MIR2052HG: variants seen among roughly 807,000 people sequenced by gnomAD.
MIR2052HG encodes MIR2052 host gene.
intron 2 of MIR2052HG, among the ~76,000 whole-genome samples, chr8:74,635,179 A>C (rs1339809338): frequency 6.6e-6 from 1 of 152,142 alleles, no homozygotes; most frequent in Non-Finnish European, 1.5e-5. Context: ...GAATTATGAA[A>C]TATTTATGGG....
chr8:74,600,965 T>G (rs1392491977), intron 1 of MIR2052HG, among the ~76,000 whole-genome samples: 1 of 152,214 alleles, frequency 6.6e-6, no homozygotes, highest in Non-Finnish European at 1.5e-5. Context: ...CCTGTGTTCT[T>G]TCCACAATAT....
chr8:74,731,988 G>C (rs1302324833), intron 4 of MIR2052HG, among the ~76,000 whole-genome samples: 2 of 152,122 alleles, frequency 1.3e-5, no homozygotes, highest in African/African-American at 4.8e-5. Flanking sequence ...GTTCATTTTA[G>C]CTGGCAATAA....
chr8:74,620,266 C>A (rs1467733913), intron 2 of MIR2052HG, among the ~76,000 whole-genome samples: 4 of 152,232 alleles, frequency 2.6e-5, no homozygotes, highest in Non-Finnish European at 5.9e-5. Context: ...GTGTCTGTGG[C>A]TTTTCCAGGT....
In MIR2052HG at chr8:74,703,664, T is replaced by C. The variant is rs73687251; in HGVS notation, n.353T>C. ...AATTAGGAGGAATGTTCTGGAGTGA[T>C]TTATCTTTTTCATCAGGGGTGAGTA... On this transcript the variant is annotated non_coding_transcript_exon_variant, in exon 4 of 7. Coordinates refer to ENST00000523442, the Ensembl canonical transcript of MIR2052HG. 4,385 of 452,360 alleles carry C rather than the reference T, an allele frequency of 9.7e-3. 166 individuals carry two copies. The highest frequency in any genetic ancestry group is 0.08 in the African/African-American group (3,998 of 49,814). The allele number at this position is 452,360 out of a possible 1,614,324, so 28.0% of individuals were successfully genotyped here.
intron 2 of MIR2052HG, among the ~76,000 whole-genome samples, chr8:74,665,727 C>T (rs779428841): frequency 7.2e-5 from 11 of 152,082 alleles, no homozygotes; most frequent in South Asian, 6.2e-4. Flanking sequence ...ACAGCTGATA[C>T]GGTTTGGCTG....
intron 2 of MIR2052HG, among the ~76,000 whole-genome samples, chr8:74,636,685 C>G (rs1281187867): frequency 6.6e-6 from 1 of 151,912 alleles, no homozygotes; most frequent in African/African-American, 2.4e-5. Context: ...TATCGTATAC[C>G]CTGAGATAAA....
In MIR2052HG at chr8:74,646,932, AAAT is replaced by A. The variant is rs1319629573; in HGVS notation, n.216+33995_216+33997del. 2.6e-5 allele frequency among the ~76,000 whole-genome samples: 4 copies of A among 151,958 alleles called. No homozygotes were observed. The East Asian group carries it at 7.7e-4, about 29-fold the overall frequency. ...AACAGAGTGAAACCCTGTCTCAAATAAATAAATAAATAAATAAATATTATCAAT... is the reference window on the plus strand; with the variant it reads ...AACAGAGTGAAACCCTGTCTCAAATAAAATAAATAAATAAATATTATCAAT... On this transcript the variant is annotated intron_variant and non_coding_transcript_variant, in intron 2 of 6. Coordinates refer to ENST00000523442, the Ensembl canonical transcript of MIR2052HG.
At chr8:74,713,788 C>CA (rs964842478) in intron 4 of MIR2052HG, among the ~76,000 whole-genome samples, 1 of 151,692 alleles carries the variant, frequency 6.6e-6, no homozygotes, top group African/African-American at 2.4e-5. Flanking sequence ...TACTCATTAA[C>CA]AAAAAAACAA....
In MIR2052HG at chr8:74,733,429, G is replaced by A. The variant is rs190771832; in HGVS notation, n.372-19012G>A. ...CATAAATTCATCATTTTTTATGGCTGCATAGTATTCCATGGTGTATATGTG... is the reference window on the plus strand; with the variant it reads ...CATAAATTCATCATTTTTTATGGCTACATAGTATTCCATGGTGTATATGTG... On this transcript the variant is annotated intron_variant and non_coding_transcript_variant, in intron 4 of 6. Coordinates refer to ENST00000523442, the Ensembl canonical transcript of MIR2052HG. Among the ~76,000 whole-genome samples, 598 of 152,052 alleles carry A rather than the reference G, an allele frequency of 3.9e-3. 3 individuals carry two copies. The highest frequency in any genetic ancestry group is 0.015 in the South Asian group (70 of 4,810).
At chr8:74,742,955 A>G (rs1443327786) in intron 4 of MIR2052HG, among the ~76,000 whole-genome samples, 1 of 152,000 alleles carries the variant, frequency 6.6e-6, no homozygotes, top group African/African-American at 2.4e-5. Flanking sequence ...TTGGTTGTGG[A>G]AAAAAAATGA....
intron 4 of MIR2052HG, among the ~76,000 whole-genome samples, chr8:74,712,577 A>G (rs561009795): frequency 3.3e-5 from 5 of 152,336 alleles, no homozygotes; most frequent in Admixed American, 1.3e-4. Flanking sequence ...CAAATAGCCT[A>G]TAAGCAGTGG....
intron 2 of MIR2052HG, among the ~76,000 whole-genome samples, chr8:74,695,946 C>A (rs892936252): frequency 6.6e-6 from 1 of 152,004 alleles, no homozygotes; most frequent in Non-Finnish European, 1.5e-5. Flanking sequence ...AAACAATGGA[C>A]TTAAACTATA....
At chr8:74,746,091 G>A (rs1250137574) in intron 4 of MIR2052HG, among the ~76,000 whole-genome samples, 1 of 152,092 alleles carries the variant, frequency 6.6e-6, no homozygotes, top group Non-Finnish European at 1.5e-5. Context: ...TTAAGAAAGT[G>A]GTTTGATTCT....
intron 5 of MIR2052HG, among the ~76,000 whole-genome samples, chr8:74,755,084 C>T (rs887998303): frequency 2.6e-5 from 4 of 152,204 alleles, no homozygotes; most frequent in African/African-American, 4.8e-5. Context: ...CAGTTCCTAA[C>T]TCCCACCCGA....
intron 2 of MIR2052HG, among the ~76,000 whole-genome samples, chr8:74,682,768 A>T (rs1586912853): frequency 6.6e-6 from 1 of 152,250 alleles, no homozygotes; most frequent in Non-Finnish European, 1.5e-5. Flanking sequence ...TGATATATAC[A>T]CCCGAGAAAC....
chr8:74,629,060 T>G (rs1242130279), intron 2 of MIR2052HG, among the ~76,000 whole-genome samples: 5 of 152,142 alleles, frequency 3.3e-5, no homozygotes, highest in African/African-American at 1.2e-4. Flanking sequence ...GAGTTCCTCT[T>G]ATGTCAGCCA....
At chr8:74,689,679 G>A (rs76963230) in intron 2 of MIR2052HG, among the ~76,000 whole-genome samples, 1 of 152,166 alleles carries the variant, frequency 6.6e-6, no homozygotes, top group South Asian at 2.1e-4. Context: ...GGCAGAAAAT[G>A]TAAAGAAGGA....
chr8:74,680,960 A>C (rs1428345511), intron 2 of MIR2052HG, among the ~76,000 whole-genome samples: 2 of 150,822 alleles, frequency 1.3e-5, no homozygotes, highest in East Asian at 3.9e-4. Flanking sequence ...AACTATCGCA[A>C]GAACAAAAAA....
intron 2 of MIR2052HG, among the ~76,000 whole-genome samples, chr8:74,681,938 G>T (rs1204042362): frequency 6.6e-6 from 1 of 152,092 alleles, no homozygotes; most frequent in Non-Finnish European, 1.5e-5. Context: ...AGATCACTGG[G>T]GAAATGTATG....
Sources: gnomAD v4.1 joint callset for allele counts (sites outside exome capture counted in the v4.1 genomes callset) on GRCh38, gnomAD v4.1.1 for gene constraint, MANE v1.5 for transcripts, NCBI Gene and HGNC (gene_info 2026-07-23, HGNC 2026-07-21) for gene names.